The following INCENP variants were observed in gnomAD, a reference collection of about 807,000 sequenced individuals.
INCENP encodes the protein inner centromere protein.
In INCENP, 43 loss-of-function variants were observed where a neutral mutation model predicts 107.3. The ratio of observed to expected loss-of-function variants is 0.40; its 90% CI spans 0.31 to 0.52. The LOEUF is 0.52. Ranked by LOEUF, INCENP falls within the 20% of genes least tolerant of loss-of-function variation. The pLI is 0.53. For missense variants in INCENP, 1,089 were observed against 1,250.9 expected, an observed-to-expected ratio of 0.87 and a Z score of 1.95; for synonymous variants, 488 against 494.4, an observed-to-expected ratio of 0.99 and a Z score of 0.17.
intron 12 of INCENP, 30 bp from the exon 13 acceptor site, chr11:62,145,139 G>A: frequency 1.2e-6 from 2 of 1,614,074 alleles, no homozygotes; most frequent in East Asian, 2.2e-5. Flanking sequence ...GCCTTGGTGG[G>A]GCTCCCCATG....
At position 62,152,978 on chromosome 11, in the gene INCENP, A is replaced by G. The variant is rs891092439; in HGVS notation, c.*1002A>G. 7 of 152,220 alleles carry G rather than the reference A, an allele frequency of 4.6e-5. No individual in the cohort carries two copies. The highest frequency in any genetic ancestry group is 8.8e-5 in the Non-Finnish European group (6 of 68,034). 9.4% of individuals were successfully genotyped at this position (152,220 alleles called of 1,614,324 possible). ...AATCCAGCCACAGTCGGTTCTTTAA[A>G]GTTTTATCGAAACACAAGCAATGGA... is the stretch of plus-strand genomic sequence containing the variant. On this transcript the variant is annotated 3_prime_UTR_variant, in exon 19 of 19. Transcript: ENST00000394818.
chr11:62,126,439 G>A (rs943418540), intron 1 of INCENP, among the ~76,000 whole-genome samples: 3 of 152,080 alleles, frequency 2.0e-5, no homozygotes, highest in Non-Finnish European at 2.9e-5. Context: ...CTCGTGATCT[G>A]CCCACTTCGG....
In INCENP at chr11:62,138,901, A is replaced by G. The variant is rs1212866118; in HGVS notation, c.1187A>G (p.Asn396Ser). The change falls in exon 7 of 19, where the codon AAT becomes AGT. Residue 396 changes from asparagine (N) to serine (S), a missense_variant. Coordinates refer to ENST00000394818, the MANE Select transcript of INCENP (RefSeq NM_001040694.2). Reference sequence around the variant, plus strand: ...TTCTTTCCACAGGTCCCTGAGAACAATGGAAATAACTCGTGGCCCCACAAT... The same window carrying G: ...TTCTTTCCACAGGTCCCTGAGAACAGTGGAAATAACTCGTGGCCCCACAAT... Reference protein sequence around the residue: ...AAAEPEVPENNGNNSWPHNDT... With the variant: ...AAAEPEVPENSGNNSWPHNDT... 1 of 1,613,548 alleles carries G rather than the reference A, an allele frequency of 6.2e-7. No homozygotes were observed. Among genetic ancestry groups the G allele is most frequent in the East Asian group, 2.2e-5 (1 of 44,876 alleles).
chr11:62,141,013 A>G lies in INCENP; in HGVS notation c.1562A>G (p.Lys521Arg). 3 of 1,614,110 alleles carry G rather than the reference A, an allele frequency of 1.9e-6. No individual in the cohort carries two copies. The highest frequency in any genetic ancestry group is 2.5e-6 in the Non-Finnish European group (3 of 1,180,002). The change falls in exon 10 of 19, where the codon AAG becomes AGG. Residue 521 changes from lysine (K) to arginine (R), a missense_variant. Transcript: ENST00000394818. ...CGCAGCGTCATGAAGTCCTTTATTA[A>G]GCGCAACACTCCCCTGCGCATGGAC... ...APRSVMKSFIKRNTPLRMDPK... is the reference protein window; with the variant it reads ...APRSVMKSFIRRNTPLRMDPK...
At chr11:62,142,519 T>C (rs754406165) in intron 11 of INCENP, among the ~76,000 whole-genome samples, 7 of 152,204 alleles carry the variant, frequency 4.6e-5, no homozygotes, top group African/African-American at 7.2e-5. Flanking sequence ...GTGGGGACAG[T>C]CCATAGTTAG....
chr11:62,125,117 T>C (rs756027893), intron 1 of INCENP, among the ~76,000 whole-genome samples: 26 of 152,234 alleles, frequency 1.7e-4, no homozygotes, highest in Non-Finnish European at 3.2e-4. Flanking sequence ...GCTCTTTATC[T>C]GTGTGCAGGT....
intron 11 of INCENP, among the ~76,000 whole-genome samples, chr11:62,142,705 G>C (rs1944150066): frequency 6.6e-6 from 1 of 152,202 alleles, no homozygotes; most frequent in African/African-American, 2.4e-5. Context: ...GTGGACTCTG[G>C]TTCCAATGTT....
At chr11:62,137,276 CT>C (rs981307485) in intron 4 of INCENP, among the ~76,000 whole-genome samples, 1 of 152,150 alleles carries the variant, frequency 6.6e-6, no homozygotes, top group African/African-American at 2.4e-5. Flanking sequence ...ACACACCAGC[CT>C]GGGCAACAGA....
intron 4 of INCENP, among the ~76,000 whole-genome samples, chr11:62,132,283 C>T (rs777238063): frequency 6.6e-5 from 10 of 152,194 alleles, no homozygotes; most frequent in Non-Finnish European, 1.0e-4. Context: ...GGGGCTTGAG[C>T]GCTGTGTGTT....
intron 1 of INCENP, among the ~76,000 whole-genome samples, chr11:62,127,156 C>T (rs1162785954): frequency 1.3e-5 from 2 of 151,964 alleles, no homozygotes; most frequent in Admixed American, 6.6e-5. Flanking sequence ...CCAGGCTCAG[C>T]CTCCCAAGTA....
intron 11 of INCENP, chr11:62,141,801 T>G: frequency 3.7e-6 from 2 of 537,416 alleles, no homozygotes; most frequent in East Asian, 3.3e-5. Flanking sequence ...CACAGCCACC[T>G]TCCCTCCCTC....
In INCENP at chr11:62,145,101, C is replaced by T; in HGVS notation, c.1715+10C>T. On this transcript the variant is annotated intron_variant, in intron 12 of 18. Coordinates refer to ENST00000394818, the MANE Select transcript of INCENP (RefSeq NM_001040694.2). Reference sequence around the variant, plus strand: ...TGGAGGAGGTGAAGCTGTAAGTGGCCTGGCTTCCTGGACTGTGGCCCATCC... The same window carrying T: ...TGGAGGAGGTGAAGCTGTAAGTGGCTTGGCTTCCTGGACTGTGGCCCATCC... 6.2e-7 allele frequency: 1 copy of T among 1,613,862 alleles called. No homozygotes were observed. The highest frequency in any genetic ancestry group is 1.1e-5 in the South Asian group (1 of 91,082).
At chr11:62,126,208 T>TTTTTTA (rs60371396) in intron 1 of INCENP, among the ~76,000 whole-genome samples, 1 of 88,806 alleles carries the variant, frequency 1.1e-5, no homozygotes, top group Non-Finnish European at 3.1e-5. Flanking sequence ...TGGTTTTTTT[T>TTTTTTA]TTTTTGAGAT....
intron 14 of INCENP, among the ~76,000 whole-genome samples, chr11:62,146,200 G>T (rs755864182): frequency 6.6e-6 from 1 of 152,168 alleles, no homozygotes; most frequent in Non-Finnish European, 1.5e-5. Flanking sequence ...CCTCTTCCCA[G>T]CCAGTCTTAG....
rs1294663938 is a variant in INCENP at position 62,151,691 on chromosome 11, CTG to C, written c.2543-68_2543-67del. On this transcript the variant is annotated intron_variant, in intron 18 of 18. Transcript: ENST00000394818. ...GGAGGTTGGAGAGGGTGACAGGGCT[CTG>C]TGGTGGGCAAGGGATGGGGAGGTTC... is the stretch of plus-strand genomic sequence containing the variant. The C allele has an allele frequency of 9.8e-6, 13 of 1,326,220 alleles. No individual in the cohort carries two copies. In the Admixed American group the frequency reaches 1.5e-4, roughly 16 times the overall value. 82.2% of individuals were successfully genotyped at this position (1,326,220 alleles called of 1,614,324 possible). A position where few individuals can be genotyped will look rare whatever the true frequency, so the allele number is the denominator to read the frequency against.
chr11:62,125,911 A>C (rs755654567), intron 1 of INCENP, among the ~76,000 whole-genome samples: 1 of 152,250 alleles, frequency 6.6e-6, no homozygotes, highest in Non-Finnish European at 1.5e-5. Context: ...AATTACAATC[A>C]ATGAATGGGA....
intron 4 of INCENP, among the ~76,000 whole-genome samples, chr11:62,137,075 C>T (rs750502805): frequency 2.6e-5 from 4 of 152,202 alleles, no homozygotes; most frequent in Non-Finnish European, 5.9e-5. Flanking sequence ...TGCTCTGGAC[C>T]AGGCGCAGTG....
At chr11:62,133,144 G>A (rs1943923729) in intron 4 of INCENP, among the ~76,000 whole-genome samples, 2 of 152,112 alleles carry the variant, frequency 1.3e-5, no homozygotes, top group Non-Finnish European at 1.5e-5. Flanking sequence ...AGAGGCTCTC[G>A]GGCAGCTCCA....
chr11:62,141,457 G>A (rs201623381), intron 10 of INCENP, 43 bp from the exon 11 acceptor site: 450 of 1,613,722 alleles, frequency 2.8e-4, no homozygotes, highest in East Asian at 3.6e-4. Flanking sequence ...GATGCTCCCC[G>A]GCCTGGCATT....
Sources: allele counts gnomAD v4.1 joint callset (sites outside exome capture counted in the v4.1 genomes callset), GRCh38; gene constraint gnomAD v4.1.1; transcripts MANE v1.5; gene names NCBI Gene and HGNC (gene_info 2026-07-23, HGNC 2026-07-21).